Variants in FOXP1 observed in about 807,000 individuals in gnomAD.
FOXP1 encodes the protein forkhead box protein P1.
A neutral mutation model predicts 98.2 loss-of-function variants in FOXP1; 15 were observed. The observed-to-expected ratio is 0.15, with a 90% confidence interval of 0.10 to 0.24. The LOEUF is 0.24. FOXP1 is among the 10% of genes least tolerant of loss of function. FOXP1 has a pLI of 1.00. For missense variants in FOXP1, 633 were observed against 848.5 expected, an observed-to-expected ratio of 0.75 and a Z score of 3.15; for synonymous variants, 371 against 314.5, an observed-to-expected ratio of 1.18 and a Z score of -1.90.
chr3:71,285,761 T>C (rs2072053366), intron 5 of FOXP1, among the ~76,000 whole-genome samples: 1 of 152,234 alleles, frequency 6.6e-6, no homozygotes, highest in Middle Eastern at 3.2e-3. Flanking sequence ...AAGGAACTGA[T>C]GTAGTGGAAG....
intron 6 of FOXP1, chr3:71,130,400 C>A: frequency 8.2e-7 from 1 of 1,215,896 alleles, no homozygotes; most frequent in Non-Finnish European, 1.2e-6. Flanking sequence ...AGTTGGATCA[C>A]CTTATTTCGC....
At chr3:71,061,838 A>T (rs954688428) in intron 7 of FOXP1, among the ~76,000 whole-genome samples, 1 of 152,194 alleles carries the variant, frequency 6.6e-6, no homozygotes, top group Non-Finnish European at 1.5e-5. Flanking sequence ...TGCCAATTCA[A>T]ATTTTACTCA....
intron 7 of FOXP1, among the ~76,000 whole-genome samples, chr3:71,087,477 C>T (rs1339781479): frequency 2.0e-5 from 3 of 152,232 alleles, no homozygotes. Flanking sequence ...TAAGGGCACG[C>T]ATTCCTTGTC....
intron 6 of FOXP1, among the ~76,000 whole-genome samples, chr3:71,170,823 A>G (rs890832268): frequency 2.0e-5 from 3 of 152,196 alleles, no homozygotes; most frequent in African/African-American, 4.8e-5. Context: ...TTCAGCGTCC[A>G]TCTACAACTT....
At chr3:71,234,894 T>C (rs1199269336) in intron 5 of FOXP1, among the ~76,000 whole-genome samples, 1 of 151,860 alleles carries the variant, frequency 6.6e-6, no homozygotes, top group Non-Finnish European at 1.5e-5. Flanking sequence ...GGAGGAGGGG[T>C]GAAAATTTTA....
chr3:71,343,553 G>GTTT (rs1204955681), intron 4 of FOXP1, among the ~76,000 whole-genome samples: 1 of 50,060 alleles, frequency 2.0e-5, no homozygotes. Flanking sequence ...ATCTCAATTA[G>GTTT]ATTTTTTTTT....
chr3:71,326,743 A>C (rs1364109334), intron 4 of FOXP1, among the ~76,000 whole-genome samples: 2 of 152,190 alleles, frequency 1.3e-5, no homozygotes, highest in Non-Finnish European at 2.9e-5. Flanking sequence ...GCAAACTCCT[A>C]AATCCCACCA....
At chr3:71,306,875 A>G (rs1429221212) in intron 4 of FOXP1, among the ~76,000 whole-genome samples, 3 of 152,164 alleles carry the variant, frequency 2.0e-5, no homozygotes, top group Admixed American at 2.0e-4. Flanking sequence ...AATTTTCTCC[A>G]TTTCGGCAGA....
At chr3:71,349,428 C>T (rs2077626009) in intron 4 of FOXP1, among the ~76,000 whole-genome samples, 1 of 152,140 alleles carries the variant, frequency 6.6e-6, no homozygotes, top group Non-Finnish European at 1.5e-5. Flanking sequence ...TCTGTTATAA[C>T]TTAGTAATCA....
intron 4 of FOXP1, among the ~76,000 whole-genome samples, chr3:71,352,925 T>A (rs571294550): frequency 6.6e-6 from 1 of 152,206 alleles, no homozygotes; most frequent in Non-Finnish European, 1.5e-5. Flanking sequence ...CACCAATTAT[T>A]CTAGGAGTAG....
intron 3 of FOXP1, among the ~76,000 whole-genome samples, chr3:71,432,721 C>A (rs143300154): frequency 0.013 from 1,937 of 152,154 alleles, 26 homozygotes; most frequent in Non-Finnish European, 0.019. Context: ...CTATCCCCCC[C>A]ATCCAAAGAA....
chr3:70,959,478 G>C, intron 20 of FOXP1, 87 bp from the exon 21 acceptor site: 5 of 1,453,234 alleles, frequency 3.4e-6, no homozygotes, highest in Admixed American at 1.8e-5. Flanking sequence ...CAACAGAAAA[G>C]CCGCACTCTA....
At chr3:71,500,979 G>T (rs2041294592) in intron 2 of FOXP1, among the ~76,000 whole-genome samples, 1 of 152,136 alleles carries the variant, frequency 6.6e-6, no homozygotes, top group Admixed American at 6.6e-5. Context: ...ATTATCTGAG[G>T]TCAGGAATTC....
At chr3:71,345,241 C>T (rs555446659) in intron 4 of FOXP1, among the ~76,000 whole-genome samples, 4 of 151,600 alleles carry the variant, frequency 2.6e-5, no homozygotes, top group East Asian at 3.9e-4. Flanking sequence ...TACAAAAATT[C>T]GCTGGGTGTG....
intron 4 of FOXP1, among the ~76,000 whole-genome samples, chr3:71,358,474 G>A (rs1286832803): frequency 1.3e-5 from 2 of 152,226 alleles, no homozygotes; most frequent in Non-Finnish European, 2.9e-5. Flanking sequence ...TGACTGTAGA[G>A]CCGATCATCA....
At chr3:71,467,370 G>A (rs1456099558) in intron 3 of FOXP1, among the ~76,000 whole-genome samples, 1 of 152,164 alleles carries the variant, frequency 6.6e-6, no homozygotes, top group Non-Finnish European at 1.5e-5. Flanking sequence ...ATGGGTAGAT[G>A]GATGAAAAGA....
chr3:71,566,234 T>C (rs1181674038), intron 2 of FOXP1, among the ~76,000 whole-genome samples: 4 of 152,212 alleles, frequency 2.6e-5, no homozygotes, highest in Non-Finnish European at 4.4e-5. Context: ...CTTCCCAACC[T>C]GCAAAGCAGC....
chr3:71,456,807 AG>A (rs1349182226), intron 3 of FOXP1, among the ~76,000 whole-genome samples: 1 of 131,496 alleles, frequency 7.6e-6, no homozygotes, highest in African/African-American at 2.9e-5. Context: ...AGTTATTGGT[AG>A]TTTTTTTTTT....
chr3:71,135,255 C>CAAAAAA, intron 6 of FOXP1, among the ~76,000 whole-genome samples: 1 of 76,342 alleles, frequency 1.3e-5, no homozygotes, highest in Non-Finnish European at 2.5e-5. Flanking sequence ...GCCTCCGTCT[C>CAAAAAA]AAAAAAAAAA....
Sources: gnomAD v4.1 joint callset for allele counts (sites outside exome capture counted in the v4.1 genomes callset) on GRCh38, gnomAD v4.1.1 for gene constraint, MANE v1.5 for transcripts, NCBI Gene and HGNC (gene_info 2026-07-23, HGNC 2026-07-21) for gene names.